CRTC3: variants seen among roughly 807,000 people sequenced by gnomAD.
CRTC3 encodes the protein CREB-regulated transcription coactivator 3.
CRTC3 carries 26 observed loss-of-function variants against 74.5 expected under a neutral mutation model. The ratio of observed to expected loss-of-function variants is 0.35; its 90% CI spans 0.26 to 0.48. CRTC3 has a LOEUF of 0.48. Among genes scored for constraint, CRTC3 ranks in the 20% least tolerant of loss-of-function variants. The pLI is 0.99. For synonymous variants in CRTC3, 377 were observed against 325.8 expected, an observed-to-expected ratio of 1.16 and a Z score of -1.69; for missense variants, 760 against 787.3, an observed-to-expected ratio of 0.97 and a Z score of 0.41.
intron 9 of CRTC3, among the ~76,000 whole-genome samples, chr15:90,623,086 T>C (rs1461571449): frequency 6.6e-6 from 1 of 152,144 alleles, no homozygotes; most frequent in Admixed American, 6.5e-5. Context: ...TCTCTGGTCC[T>C]AGGGACACCG....
intron 2 of CRTC3, among the ~76,000 whole-genome samples, chr15:90,563,487 G>A (rs1967057327): frequency 6.6e-6 from 1 of 152,162 alleles, no homozygotes; most frequent in Admixed American, 6.5e-5. Context: ...CTCAAGTGAA[G>A]CAGAGAGAAG....
At chr15:90,592,068 T>C (rs1271197621) in intron 2 of CRTC3, among the ~76,000 whole-genome samples, 1 of 152,218 alleles carries the variant, frequency 6.6e-6, no homozygotes, top group African/African-American at 2.4e-5. Context: ...AGAGATTTTA[T>C]GAGTCCACTT....
At chr15:90,617,828 G>A (rs1044699819) in intron 7 of CRTC3, 55 bp from the exon 8 acceptor site, 6 of 1,238,058 alleles carry the variant, frequency 4.8e-6, no homozygotes, top group South Asian at 2.4e-5. Context: ...ACCGTGCCCG[G>A]CCTGGATTCC....
intron 2 of CRTC3, among the ~76,000 whole-genome samples, chr15:90,592,927 C>G (rs1043505744): frequency 6.6e-6 from 1 of 152,034 alleles, no homozygotes; most frequent in Non-Finnish European, 1.5e-5. Flanking sequence ...CTGAGGTGGG[C>G]TGATCACCTG....
At chr15:90,540,418 T>C (rs1966784204) in intron 2 of CRTC3, among the ~76,000 whole-genome samples, 1 of 152,246 alleles carries the variant, frequency 6.6e-6, no homozygotes, top group African/African-American at 2.4e-5. Flanking sequence ...CACGTGGGGT[T>C]AATTTTAATA....
chr15:90,591,039 C>T (rs1003094772), intron 2 of CRTC3, among the ~76,000 whole-genome samples: 2 of 152,026 alleles, frequency 1.3e-5, no homozygotes, highest in South Asian at 2.1e-4. Context: ...ACTGCAGCCT[C>T]GAACACCTGG....
At chr15:90,626,079 G>A in intron 10 of CRTC3, 86 bp downstream of exon 10, 4 of 948,456 alleles carry the variant, frequency 4.2e-6, no homozygotes, top group East Asian at 2.4e-5. Flanking sequence ...ATCATTGAAT[G>A]AGAATGACTG....
intron 6 of CRTC3, among the ~76,000 whole-genome samples, chr15:90,608,374 C>T (rs1218365444): frequency 5.9e-5 from 9 of 152,182 alleles, no homozygotes; most frequent in Non-Finnish European, 1.3e-4. Context: ...TTTCTCTCTG[C>T]TCCCCCGCCT....
At chr15:90,603,073 C>T (rs1968118219) in intron 4 of CRTC3, among the ~76,000 whole-genome samples, 1 of 152,172 alleles carries the variant, frequency 6.6e-6, no homozygotes, top group Admixed American at 6.5e-5. Flanking sequence ...ATATTTAAAA[C>T]CAAATAGAAA....
rs1228013449 is a variant in CRTC3 at position 90,530,716 on chromosome 15, T to G, written c.132+513T>G. Reference sequence around the variant, plus strand: ...GGCCCGGCCCTGGGGTGGCTCGGGTTGTTGGAACCACGACGGGATTCCGTG... The same window carrying G: ...GGCCCGGCCCTGGGGTGGCTCGGGTGGTTGGAACCACGACGGGATTCCGTG... On this transcript the variant is annotated intron_variant, in intron 1 of 14. Transcript: ENST00000268184. This position sits in a 1 kb window ranked among gnomAD's most constrained non-coding sequence, Gnocchi z 6.2. 6.6e-6 allele frequency: 1 copy of G among 152,282 alleles called. No homozygotes were observed. The highest frequency in any genetic ancestry group is 1.5e-5 in the Non-Finnish European group (1 of 68,132). The allele number at this position is 152,282 out of a possible 1,614,324, so 9.4% of individuals were successfully genotyped here.
rs572210319 is a variant in CRTC3, at chr15:90,581,056, T to C, written c.232-12580T>C. 2.1e-4 allele frequency among the ~76,000 whole-genome samples: 32 copies of C among 152,280 alleles called. No individual in the cohort carries two copies. The South Asian group carries it at 4.3e-3, about 21-fold the overall frequency. Reference sequence around the variant, plus strand: ...CCTAAGGGAGAACATATCAGAAGCATGGCTGGATGAGAAAGGAGTGGCCTG... The same window carrying C: ...CCTAAGGGAGAACATATCAGAAGCACGGCTGGATGAGAAAGGAGTGGCCTG... On this transcript the variant is annotated intron_variant, in intron 2 of 14. Transcript: ENST00000268184.
At chr15:90,621,698 C>G (rs1968657697) in intron 9 of CRTC3, among the ~76,000 whole-genome samples, 1 of 152,160 alleles carries the variant, frequency 6.6e-6, no homozygotes, top group Non-Finnish European at 1.5e-5. Context: ...TCAAGTGATC[C>G]TCCCAAAGCA....
intron 9 of CRTC3, 134 bp from the exon 10 acceptor site, chr15:90,625,642 C>T: frequency 1.3e-6 from 1 of 760,892 alleles, no homozygotes; most frequent in South Asian, 1.6e-5. Context: ...TTCTCAGAAT[C>T]AGAGAGGCCG....
At chr15:90,539,075 G>C (rs2151055584) in intron 1 of CRTC3, among the ~76,000 whole-genome samples, 2 of 152,234 alleles carry the variant, frequency 1.3e-5, no homozygotes. Context: ...ATTATTGTTA[G>C]AGACAGAGAG....
At chr15:90,624,012 G>A (rs528835544) in intron 9 of CRTC3, among the ~76,000 whole-genome samples, 1 of 152,184 alleles carries the variant, frequency 6.6e-6, no homozygotes, top group African/African-American at 2.4e-5. Flanking sequence ...AGGTCAGCTG[G>A]GCTTCCCTCC....
At chr15:90,584,835 C>A (rs573303921) in intron 2 of CRTC3, among the ~76,000 whole-genome samples, 3 of 152,218 alleles carry the variant, frequency 2.0e-5, no homozygotes, top group Admixed American at 2.0e-4. Flanking sequence ...CCTACCCAAG[C>A]TCTGTTGGAA....
intron 2 of CRTC3, among the ~76,000 whole-genome samples, chr15:90,542,986 T>C (rs1309647135): frequency 1.3e-5 from 2 of 152,054 alleles, no homozygotes; most frequent in African/African-American, 4.8e-5. Context: ...TTAATGATGA[T>C]GTTCTCTTTT....
In CRTC3 at chr15:90,623,052, C is replaced by T. The variant is rs554774552; in HGVS notation, c.750-2724C>T. 4.6e-5 allele frequency among the ~76,000 whole-genome samples: 7 copies of T among 152,186 alleles called. No homozygotes were observed. In the East Asian group the frequency reaches 1.4e-3, roughly 29 times the overall value. ...GAGTGAGTGCTCAGCTCTCTTCTGC[C>T]ACTGATTCCCCCGTCACCACCCTTC... On this transcript the variant is annotated intron_variant, in intron 9 of 14. Coordinates refer to ENST00000268184, the MANE Select transcript of CRTC3 (RefSeq NM_022769.5).
At chr15:90,562,486 T>G (rs979658182) in intron 2 of CRTC3, among the ~76,000 whole-genome samples, 8 of 152,162 alleles carry the variant, frequency 5.3e-5, no homozygotes, top group African/African-American at 1.9e-4. Flanking sequence ...AAAACCAATT[T>G]GTTTTTACCT....
Sources: allele counts gnomAD v4.1 joint callset (sites outside exome capture counted in the v4.1 genomes callset), GRCh38; gene constraint gnomAD v4.1.1; non-coding constraint Gnocchi (gnomAD v3.1); transcripts MANE v1.5; gene names NCBI Gene and HGNC (gene_info 2026-07-23, HGNC 2026-07-21).